The following SATL1 variants were observed in gnomAD, a reference collection of about 807,000 sequenced individuals.
The protein encoded by SATL1 is spermidine/spermine N1-acetyl transferase like 1.
In SATL1, 47 loss-of-function variants were observed where a neutral mutation model predicts 51.8. The observed-to-expected ratio is 0.91, with a 90% CI of 0.72 to 1.16. The LOEUF (loss-of-function observed/expected upper bound fraction) is 1.16, where lower values mean the gene tolerates loss of function less well. Among genes scored for constraint, SATL1 ranks in the 50% most tolerant of loss-of-function variants. The pLI, the probability that SATL1 is intolerant of heterozygous loss-of-function variation, is 0.00. For synonymous variants in SATL1, 176 were observed against 182.4 expected (o/e 0.97, Z 0.28); for missense variants, 520 against 526.4 (o/e 0.99, Z 0.12).
chrX:85,113,291 A>G (rs1925303051), intron 2 of SATL1, among the ~76,000 whole-genome samples: 1 of 111,678 alleles, frequency 9.0e-6, no homozygotes, highest in African/African-American at 3.3e-5. Context: ...ATTTTTTAGA[A>G]GAATGTCAAA....
At chrX:85,201,947 T>C (rs771713673) in intron 2 of SATL1, among the ~76,000 whole-genome samples, 1 of 112,165 alleles carries the variant, frequency 8.9e-6, no homozygotes, top group Non-Finnish European at 1.9e-5. Context: ...GTCTTTATGG[T>C]AGAATGCTTT....
At chrX:85,235,524 T>G (rs1602931709) in intron 1 of SATL1, among the ~76,000 whole-genome samples, 1 of 111,326 alleles carries the variant, frequency 9.0e-6, no homozygotes, top group Admixed American at 9.6e-5. Flanking sequence ...AGAAATTAAT[T>G]ACAAAAAGAA....
At chrX:85,130,737 T>C (rs182947694) in intron 2 of SATL1, among the ~76,000 whole-genome samples, 175 of 111,879 alleles carry the variant, frequency 1.6e-3, no homozygotes, top group Admixed American at 3.2e-3. Context: ...AATTGTAATG[T>C]TAGGGTGTCA....
At chrX:85,176,859 T>C (rs1272467061) in intron 2 of SATL1, among the ~76,000 whole-genome samples, 1 of 111,249 alleles carries the variant, frequency 9.0e-6, no homozygotes, top group Non-Finnish European at 1.9e-5. Context: ...AAGTATGTTT[T>C]AAAAGCAATC....
intron 2 of SATL1, among the ~76,000 whole-genome samples, chrX:85,153,155 A>G (rs763100236): frequency 1.8e-5 from 2 of 110,785 alleles, no homozygotes; most frequent in South Asian, 7.6e-4. Flanking sequence ...AAAATATAGG[A>G]GGAAAATCTG....
chrX:85,128,981 G>C (rs143465382), intron 2 of SATL1, among the ~76,000 whole-genome samples: 1,296 of 111,323 alleles, frequency 0.012, 26 homozygotes, highest in African/African-American at 0.041. Flanking sequence ...ATTTCTGAGG[G>C]CTCTGTTCTG....
At chrX:85,204,901 T>G (rs1218937167) in intron 2 of SATL1, among the ~76,000 whole-genome samples, 1 of 112,477 alleles carries the variant, frequency 8.9e-6, no homozygotes, top group Non-Finnish European at 1.9e-5. Context: ...AACCTTGGAC[T>G]AAAGCTGATA....
chrX:85,172,991 T>C (rs1569241683), intron 2 of SATL1, among the ~76,000 whole-genome samples: 1 of 111,811 alleles, frequency 8.9e-6, no homozygotes, highest in Non-Finnish European at 1.9e-5. Context: ...TGTTAGTTAA[T>C]ATTATGATGC....
intron 2 of SATL1, among the ~76,000 whole-genome samples, chrX:85,117,716 A>G (rs193109623): frequency 1.5e-3 from 167 of 111,858 alleles, no homozygotes; most frequent in Non-Finnish European, 2.5e-3. Flanking sequence ...ATAAGCAACA[A>G]TTACTTTTTA....
At chrX:85,238,254 G>A (rs1468282712) in intron 1 of SATL1, among the ~76,000 whole-genome samples, 8 of 111,649 alleles carry the variant, frequency 7.2e-5, no homozygotes, top group Non-Finnish European at 1.5e-4. Context: ...AGAGGTATCT[G>A]CATTCCCATG....
intron 4 of SATL1, among the ~76,000 whole-genome samples, chrX:85,095,208 A>G (rs991231685): frequency 5.3e-5 from 6 of 112,205 alleles, no homozygotes; most frequent in Non-Finnish European, 9.4e-5. Flanking sequence ...ATTTGGATCA[A>G]ATTCAGCCAT....
chrX:85,226,517 G>C (rs1046461937), intron 1 of SATL1, among the ~76,000 whole-genome samples: 1 of 111,278 alleles, frequency 9.0e-6, no homozygotes, highest in African/African-American at 3.3e-5. Context: ...ATTATTCTAA[G>C]GGTTAGGGAT....
rs778423381 is a variant in SATL1 at position 85,213,094 on chromosome X, A to G, written c.-313+11111T>C. ...ATACTTAATACGTATTAACATACCT[A>G]TATATAAGTATTCATAATGTATATT... On this transcript the variant is annotated intron_variant, in intron 2 of 7. Coordinates refer to ENST00000644105, the MANE Select transcript of SATL1 (RefSeq NM_001367857.2). Among the ~76,000 whole-genome samples, 7 of 111,785 alleles carry G rather than the reference A, an allele frequency of 6.3e-5. No homozygotes were observed. In the East Asian group the frequency reaches 1.7e-3, roughly 27 times the overall value.
intron 2 of SATL1, among the ~76,000 whole-genome samples, chrX:85,171,203 CA>C (rs1325183358): frequency 9.0e-6 from 1 of 111,215 alleles, no homozygotes; most frequent in East Asian, 2.8e-4. Context: ...ATTGTGATCA[CA>C]AGGCAAAAGT....
At chrX:85,196,535 A>C (rs1403967237) in intron 2 of SATL1, among the ~76,000 whole-genome samples, 1 of 111,718 alleles carries the variant, frequency 9.0e-6, no homozygotes, top group Non-Finnish European at 1.9e-5. Flanking sequence ...ACAAAAATGG[A>C]GGATGTATAC....
chrX:85,129,858 G>T (rs111682466), intron 2 of SATL1, among the ~76,000 whole-genome samples: 3 of 111,154 alleles, frequency 2.7e-5, no homozygotes, highest in Non-Finnish European at 3.8e-5. Context: ...TAGCATGAAG[G>T]TCTGTTGAAT....
intron 1 of SATL1, among the ~76,000 whole-genome samples, chrX:85,230,451 A>G (rs1256519917): frequency 8.9e-6 from 1 of 112,321 alleles, no homozygotes; most frequent in African/African-American, 3.2e-5. Context: ...TTTAAACATA[A>G]GACCTAAAAC....
At chrX:85,124,782 T>C (rs936871612) in intron 2 of SATL1, among the ~76,000 whole-genome samples, 1 of 110,812 alleles carries the variant, frequency 9.0e-6, no homozygotes, top group Non-Finnish European at 1.9e-5. Flanking sequence ...TACTTATAGA[T>C]AGTAAGCAAG....
intron 1 of SATL1, among the ~76,000 whole-genome samples, chrX:85,235,987 A>T (rs1396173611): frequency 9.0e-6 from 1 of 111,541 alleles, no homozygotes; most frequent in Non-Finnish European, 1.9e-5. Flanking sequence ...ATAAAATTAT[A>T]GAGATGAAAA....
Sources: gnomAD v4.1 joint callset for allele counts (sites outside exome capture counted in the v4.1 genomes callset) on GRCh38, gnomAD v4.1.1 for gene constraint, MANE v1.5 for transcripts, NCBI Gene and HGNC (gene_info 2026-07-23, HGNC 2026-07-21) for gene names.